MKX: variants seen among roughly 807,000 people sequenced by gnomAD.
MKX encodes mohawk homeobox, also known as homeobox protein Mohawk.
A neutral mutation model predicts 36.0 loss-of-function variants in MKX; 13 were observed. The ratio of observed to expected loss-of-function variants is 0.36; its 90% CI spans 0.24 to 0.57. The LOEUF (loss-of-function observed/expected upper bound fraction) is 0.57. Among genes scored for constraint, MKX ranks in the 20% least tolerant of loss-of-function variants. MKX has a pLI of 0.79. For missense variants in MKX, 458 were observed against 456.4 expected, an observed-to-expected ratio of 1.00 and a Z score of -0.03; for synonymous variants, 176 against 178.3, an observed-to-expected ratio of 0.99 and a Z score of 0.10.
intron 5 of MKX, among the ~76,000 whole-genome samples, chr10:27,723,350 A>T (rs1479191394): frequency 6.6e-6 from 1 of 152,204 alleles, no homozygotes; most frequent in Non-Finnish European, 1.5e-5. Flanking sequence ...ACTAGTGACA[A>T]GGTTATGAAG....
chr10:27,730,788 T>A lies in MKX; in HGVS notation c.838+3668A>T, dbSNP rs562045408. ...TGGCTATTTGATTCCATATATTTAATAAAACTCATCACAAGACAGCTACTC... is the reference window on the plus strand; with the variant it reads ...TGGCTATTTGATTCCATATATTTAAAAAAACTCATCACAAGACAGCTACTC... On this transcript the variant is annotated intron_variant, in intron 5 of 6. Coordinates refer to ENST00000419761, the MANE Select transcript of MKX (RefSeq NM_173576.3). Among the ~76,000 whole-genome samples, 26 of 151,594 alleles carry A rather than the reference T, an allele frequency of 1.7e-4. 2 individuals are homozygous for A. In the South Asian group the frequency reaches 5.3e-3, roughly 31 times the overall value.
At chr10:27,711,664 T>C (rs1468193386) in intron 5 of MKX, among the ~76,000 whole-genome samples, 5 of 151,490 alleles carry the variant, frequency 3.3e-5, no homozygotes, top group Non-Finnish European at 7.4e-5. Context: ...TTCGAACTCC[T>C]GGGCTCAAGT....
At chr10:27,711,499 T>TCTCCC (rs1554772224) in intron 5 of MKX, among the ~76,000 whole-genome samples, 34 of 93,076 alleles carry the variant, frequency 3.7e-4, no homozygotes, top group African/African-American at 1.7e-3. Flanking sequence ...CTCTCTCTTC[T>TCTCCC]TTCCTTCCTT....
At chr10:27,743,063 T>C (rs961417577) in intron 2 of MKX, among the ~76,000 whole-genome samples, 165 bp downstream of exon 2, 1 of 152,176 alleles carries the variant, frequency 6.6e-6, no homozygotes, top group East Asian at 1.9e-4. Flanking sequence ...TAGGAGCCCC[T>C]TAACATGAGA....
intron 5 of MKX, among the ~76,000 whole-genome samples, chr10:27,678,255 G>T (rs1836189963): frequency 6.6e-6 from 1 of 152,148 alleles, no homozygotes; most frequent in South Asian, 2.1e-4. Flanking sequence ...GCTTTCGTTT[G>T]GGAGAAGGAA....
intron 5 of MKX, among the ~76,000 whole-genome samples, chr10:27,694,408 C>T (rs910561970): frequency 6.0e-5 from 9 of 151,204 alleles, no homozygotes; most frequent in South Asian, 2.1e-4. Context: ...AGGCTGGGCA[C>T]GGTGGCTCAC....
At chr10:27,728,249 A>G (rs778007141) in intron 5 of MKX, among the ~76,000 whole-genome samples, 11 of 152,242 alleles carry the variant, frequency 7.2e-5, no homozygotes, top group Non-Finnish European at 1.5e-4. Context: ...CTGGTCAACA[A>G]AAGCCCAAAA....
chr10:27,722,498 G>T (rs1430401304), intron 5 of MKX, among the ~76,000 whole-genome samples: 7 of 152,196 alleles, frequency 4.6e-5, no homozygotes, highest in Admixed American at 2.0e-4. Flanking sequence ...ACAGCTAAAG[G>T]AACGAAAGCC....
chr10:27,694,527 A>AAAAATAT (rs547670335), intron 5 of MKX, among the ~76,000 whole-genome samples: 32,135 of 113,728 alleles, frequency 0.28, 5,055 homozygotes, highest in Middle Eastern at 0.36. Context: ...AAAAAAAAAA[A>AAAAATAT]ATATATATAT....
rs1365943658 is a variant in MKX at position 27,741,144 on chromosome 10, C to T, written c.348+201G>A. Among the ~76,000 whole-genome samples the T allele has an allele frequency of 6.6e-6, 1 of 152,204 alleles. No homozygotes were observed. Among genetic ancestry groups the T allele is most frequent in the Non-Finnish European group, 1.5e-5 (1 of 68,036 alleles). On this transcript the variant is annotated intron_variant, in intron 3 of 6. Coordinates refer to ENST00000419761, the MANE Select transcript of MKX (RefSeq NM_173576.3). This position sits in a 1 kb window ranked among gnomAD's most constrained non-coding sequence, Gnocchi z 5.1. ...TACTTTTCACTTCCCTACCTGACAGCGCATCCTGCATTCTTTCCTGCACGG... is the reference window on the plus strand; with the variant it reads ...TACTTTTCACTTCCCTACCTGACAGTGCATCCTGCATTCTTTCCTGCACGG...
chr10:27,725,968 A>G (rs989759020), intron 5 of MKX, among the ~76,000 whole-genome samples: 3 of 152,270 alleles, frequency 2.0e-5, no homozygotes, highest in Admixed American at 2.0e-4. Context: ...TAGAAGCCCT[A>G]GGGAATGAGA....
intron 5 of MKX, among the ~76,000 whole-genome samples, chr10:27,730,879 A>C (rs1342298363): frequency 6.6e-6 from 1 of 151,962 alleles, no homozygotes; most frequent in Non-Finnish European, 1.5e-5. Flanking sequence ...TCACGCCTGT[A>C]ATCCCAGCAC....
intron 5 of MKX, among the ~76,000 whole-genome samples, chr10:27,705,536 G>A (rs1260650465): frequency 2.0e-5 from 3 of 152,074 alleles, no homozygotes; most frequent in African/African-American, 2.4e-5. Flanking sequence ...TAAATTTTTT[G>A]TGGAGACAAA....
At chr10:27,698,841 C>T (rs984017826) in intron 5 of MKX, among the ~76,000 whole-genome samples, 8 of 151,280 alleles carry the variant, frequency 5.3e-5, no homozygotes, top group Admixed American at 4.6e-4. Context: ...GAAAGTCAGT[C>T]GCATATAGAA....
chr10:27,676,828 C>T (rs929107203), intron 5 of MKX, among the ~76,000 whole-genome samples: 22 of 152,176 alleles, frequency 1.4e-4, no homozygotes, highest in African/African-American at 5.1e-4. Flanking sequence ...TCCAAAACAA[C>T]GCCTCCTCCT....
chr10:27,733,850 A>G (rs1227338636), intron 5 of MKX, among the ~76,000 whole-genome samples: 1 of 152,254 alleles, frequency 6.6e-6, no homozygotes, highest in East Asian at 1.9e-4. Context: ...TAAAATTTTA[A>G]AAGCTATTTT....
intron 5 of MKX, among the ~76,000 whole-genome samples, chr10:27,729,179 A>C (rs932797088): frequency 1.3e-5 from 2 of 152,052 alleles, no homozygotes; most frequent in South Asian, 4.1e-4. Context: ...GATTTTAGAG[A>C]GTGTAACAAA....
chr10:27,686,384 AAGGGAAGGGAAAGGAAGGAAGG>A (rs887569780), intron 5 of MKX, among the ~76,000 whole-genome samples: 1 of 137,198 alleles, frequency 7.3e-6, no homozygotes. Context: ...AAGGGAAGGG[AAGGGAAGGGAAAGGAAGGAAGG>A]AAGGAAGGAA....
At chr10:27,701,743 G>C (rs1461807983) in intron 5 of MKX, among the ~76,000 whole-genome samples, 2 of 139,324 alleles carry the variant, frequency 1.4e-5, no homozygotes, top group Non-Finnish European at 1.5e-5. Flanking sequence ...ATATTATATA[G>C]AGAATTATAT....
Sources: gnomAD v4.1 joint callset for allele counts (sites outside exome capture counted in the v4.1 genomes callset) on GRCh38, gnomAD v4.1.1 for gene constraint, Gnocchi (gnomAD v3.1) non-coding constraint, MANE v1.5 for transcripts, NCBI Gene and HGNC (gene_info 2026-07-23, HGNC 2026-07-21) for gene names.